Variants in COL6A1 observed in about 807,000 individuals in gnomAD.
COL6A1 encodes collagen type VI alpha 1 chain.
In COL6A1, 80 loss-of-function variants were observed where a neutral mutation model predicts 145.6. That is an observed-to-expected ratio of 0.55 (90% CI 0.46 to 0.66). The LOEUF (loss-of-function observed/expected upper bound fraction) is 0.66, where lower values mean the gene tolerates loss of function less well. Among genes scored for constraint, COL6A1 ranks in the 30% least tolerant of loss-of-function variants. The pLI is 0.00. For synonymous variants in COL6A1, 638 were observed against 622.8 expected, an observed-to-expected ratio of 1.02 and a Z score of -0.36; for missense variants, 1,364 against 1,473.8, an observed-to-expected ratio of 0.93 and a Z score of 1.22.
intron 8 of COL6A1, among the ~76,000 whole-genome samples, chr21:45,988,853 T>C (rs1032515243): frequency 5.9e-5 from 9 of 152,020 alleles, no homozygotes; most frequent in African/African-American, 2.2e-4. Flanking sequence ...CTCCCACCTG[T>C]GCCTGGGGGT....
At position 45,987,533 on chromosome 21, in the gene COL6A1, C is replaced by T; in HGVS notation, c.759+14C>T. The T allele has an allele frequency of 2.5e-6, 4 of 1,612,926 alleles. No individual in the cohort carries two copies. Among genetic ancestry groups the T allele is most frequent in the Non-Finnish European group, 3.4e-6 (4 of 1,179,976 alleles). On this transcript the variant is annotated intron_variant, in intron 7 of 34. Coordinates refer to ENST00000361866, the MANE Select transcript of COL6A1 (RefSeq NM_001848.3). ...TTCGAATGCCAGGTGAGTGTGCCCC[C>T]CGACCCCTGACCCCGCGCCCTGCAC... is the stretch of plus-strand genomic sequence containing the variant.
intron 11 of COL6A1, 111 bp downstream of exon 11, chr21:45,989,889 T>C (rs2077764116): frequency 3.6e-6 from 5 of 1,394,624 alleles, no homozygotes; most frequent in Admixed American, 3.4e-5. Flanking sequence ...CCACGTGTCC[T>C]GCAGACCCGC....
intron 19 of COL6A1, among the ~76,000 whole-genome samples, chr21:45,993,278 C>T (rs967108427): frequency 9.9e-5 from 15 of 152,136 alleles, no homozygotes; most frequent in Admixed American, 1.3e-4. Context: ...CCGTGGGCCT[C>T]GCTAGGCCAC....
intron 27 of COL6A1, among the ~76,000 whole-genome samples, 187 bp downstream of exon 27, chr21:45,999,879 A>AACG (rs1265813717): frequency 2.6e-5 from 1 of 37,854 alleles, no homozygotes; most frequent in African/African-American, 1.1e-4. Flanking sequence ...TCATAGGGGG[A>AACG]TGTGTGAGGA....
Position 46,002,643 on chromosome 21 carries a change from C to A in COL6A1, c.2367C>A (p.Val789=). ...AGGGCCGGCCCGGCCTCTCGCTGGTCAAGGAGAACTATGCAGAGCTGCTGG... is the reference window on the plus strand; with the variant it reads ...AGGGCCGGCCCGGCCTCTCGCTGGTAAAGGAGAACTATGCAGAGCTGCTGG... ...PSQGRPGLSL[V]KENYAELLED... Residue 789 remains valine (V), a synonymous_variant, in exon 33 of 35, where the codon GTC becomes GTA. Transcript: ENST00000361866. 1 of 1,613,992 alleles carries A rather than the reference C, an allele frequency of 6.2e-7. No homozygotes were observed. The highest frequency in any genetic ancestry group is 1.1e-5 in the South Asian group (1 of 91,076).
At chr21:45,986,447 G>C in intron 3 of COL6A1, 79 bp from the exon 4 acceptor site, 1 of 1,437,592 alleles carries the variant, frequency 7.0e-7, no homozygotes, top group South Asian at 1.2e-5. Context: ...ACAGGGACCA[G>C]CACCTCCCGG....
intron 1 of COL6A1, among the ~76,000 whole-genome samples, chr21:45,982,204 G>A (rs1321595551): frequency 6.6e-6 from 1 of 152,212 alleles, no homozygotes; most frequent in Non-Finnish European, 1.5e-5. Flanking sequence ...CCCTGGCGAG[G>A]GGGAGCTGGT....
intron 8 of COL6A1, among the ~76,000 whole-genome samples, chr21:45,988,282 G>T (rs550819261): frequency 8.6e-5 from 2 of 23,330 alleles, no homozygotes; most frequent in African/African-American, 2.9e-4. Flanking sequence ...GGGGACGGCG[G>T]GGTCCAGATG....
In COL6A1 at chr21:46,002,536, G is replaced by A. The variant is rs774657642; in HGVS notation, c.2260G>A (p.Val754Met). The change falls in exon 33 of 35, where the codon GTG (valine) becomes ATG (methionine). Residue 754 changes from valine (V) to methionine (M), a missense_variant. By Grantham distance (21) the Val-to-Met change is conservative. Coordinates refer to ENST00000361866, the MANE Select transcript of COL6A1 (RefSeq NM_001848.3). ...CTGTCTGTCCCCACAGGTGGTCTCC[G>A]TGGGCATCAAAGACGTGTTTGACTT... ...LCSPGIQVVS[V>M]GIKDVFDFIP... 1.6e-5 allele frequency: 26 copies of A among 1,614,096 alleles called. No homozygotes were observed. The highest frequency in any genetic ancestry group is 1.6e-4 in the Middle Eastern group (1 of 6,062).
chr21:45,998,269 A>G, intron 23 of COL6A1, 98 bp downstream of exon 23: 6 of 1,577,432 alleles, frequency 3.8e-6, no homozygotes, highest in Non-Finnish European at 5.2e-6. Flanking sequence ...GGCTGGCCCC[A>G]GGACCGCCGG....
intron 26 of COL6A1, 65 bp downstream of exon 26, chr21:45,999,283 G>C (rs1256174784): frequency 1.4e-6 from 2 of 1,448,010 alleles, no homozygotes; most frequent in Admixed American, 3.9e-5. Flanking sequence ...GCTGGGGCTG[G>C]GGAATGCTGG....
At chr21:45,999,044 G>C (rs911976193) in intron 25 of COL6A1, 85 bp downstream of exon 25, 3 of 1,543,466 alleles carry the variant, frequency 1.9e-6, no homozygotes, top group African/African-American at 2.7e-5. Context: ...ACCAGGACCC[G>C]CTTGGGGAGG....
intron 15 of COL6A1, among the ~76,000 whole-genome samples, chr21:45,991,803 C>A (rs991981934): frequency 6.6e-6 from 1 of 152,196 alleles, no homozygotes; most frequent in African/African-American, 2.4e-5. Flanking sequence ...CTTGGCTGGG[C>A]CTCACAGGGA....
At position 46,004,217 on chromosome 21, in the gene COL6A1, C is replaced by T. The variant is rs922611141; in HGVS notation, c.*204C>T. 164 of 671,562 alleles carry T rather than the reference C, an allele frequency of 2.4e-4. No individual in the cohort carries two copies. Among genetic ancestry groups the T allele is most frequent in the African/African-American group, 1.6e-3 (90 of 55,272 alleles). The allele number at this position is 671,562 out of a possible 1,614,324, so 41.6% of individuals were successfully genotyped here. A position where few individuals can be genotyped will look rare whatever the true frequency, so the allele number is the denominator to read the frequency against. On this transcript the variant is annotated 3_prime_UTR_variant, in exon 35 of 35. Transcript: ENST00000361866. ...CTCAGCCCTGAGTTGGCATCACCTG[C>T]GCAGGGCCCTCTGGGGCTCAGCCCT...
chr21:45,989,388 G>A (rs971189453), intron 9 of COL6A1, among the ~76,000 whole-genome samples: 5 of 152,210 alleles, frequency 3.3e-5, no homozygotes, highest in Non-Finnish European at 5.9e-5. Context: ...GGCCGGCACC[G>A]TCCGGGGCCC....
intron 33 of COL6A1, 119 bp from the exon 34 acceptor site, chr21:46,003,001 C>G: frequency 6.9e-7 from 1 of 1,450,378 alleles, no homozygotes. Flanking sequence ...CCTCCCGGCT[C>G]GCTGTGACTT....
intron 15 of COL6A1, 141 bp downstream of exon 15, chr21:45,991,182 T>C: frequency 1.1e-6 from 1 of 934,094 alleles, no homozygotes; most frequent in Non-Finnish European, 1.7e-6. Context: ...TGGTGGAGGC[T>C]GGAGGCAGGC....
chr21:45,998,436 G>C lies in COL6A1; in HGVS notation c.1611+3G>C. On this transcript the variant is annotated splice_donor_region_variant and intron_variant, in intron 24 of 34. Transcript: ENST00000361866. ...ACAGGGGCGCTCCCGGGATAAACGTGAGTACGCCCCCTCCTCCATCTGGCT... is the reference window on the plus strand; with the variant it reads ...ACAGGGGCGCTCCCGGGATAAACGTCAGTACGCCCCCTCCTCCATCTGGCT... 6.2e-7 allele frequency: 1 copy of C among 1,613,296 alleles called. No homozygotes were observed. The highest frequency in any genetic ancestry group is 8.5e-7 in the Non-Finnish European group (1 of 1,180,008).
chr21:45,998,992 A>G, intron 25 of COL6A1, 33 bp downstream of exon 25: 2 of 1,550,172 alleles, frequency 1.3e-6, no homozygotes, highest in Non-Finnish European at 1.7e-6. Context: ...GCCAGCCCCA[A>G]GTCCACCTGA....
Sources: allele counts gnomAD v4.1 joint callset (sites outside exome capture counted in the v4.1 genomes callset), GRCh38; gene constraint gnomAD v4.1.1; transcripts MANE v1.5; gene names NCBI Gene and HGNC (gene_info 2026-07-23, HGNC 2026-07-21).